Variants in E2F1 observed in about 807,000 individuals in gnomAD.
E2F1 encodes transcription factor E2F1.
A neutral mutation model predicts 36.9 loss-of-function variants in E2F1; 7 were observed. The observed-to-expected ratio is 0.19, with a 90% confidence interval of 0.11 to 0.36. E2F1 has a LOEUF of 0.36. E2F1 is among the 10% of genes least tolerant of loss of function. E2F1 has a pLI of 1.00. For missense variants in E2F1, 406 were observed against 573.6 expected (o/e 0.71, Z 2.99); for synonymous variants, 261 against 263.1 (o/e 0.99, Z 0.08).
intron 1 of E2F1, among the ~76,000 whole-genome samples, chr20:33,684,688 G>A (rs758556699): frequency 2.6e-5 from 4 of 152,160 alleles, no homozygotes; most frequent in Non-Finnish European, 5.9e-5. Flanking sequence ...TCAAAACAAT[G>A]GTGGCTGCTA....
intron 4 of E2F1, 43 bp downstream of exon 4, chr20:33,678,158 T>G (rs759952955): frequency 6.3e-7 from 1 of 1,575,512 alleles, no homozygotes; most frequent in Non-Finnish European, 8.7e-7. Flanking sequence ...AGCCCCTGCC[T>G]GCTAAGCCTG....
chr20:33,678,056 T>C (rs2122543747), intron 4 of E2F1, 145 bp downstream of exon 4: 1 of 870,532 alleles, frequency 1.1e-6, no homozygotes, highest in East Asian at 2.7e-5. Flanking sequence ...ATTTATCCAG[T>C]GTCACAACAG....
At position 33,686,231 on chromosome 20, in the gene E2F1, A is replaced by C; in HGVS notation, c.34T>G (p.Cys12Gly). ...AGCAGGGCCTCCAGCGCCGGCGCGCATGGGCCGCCCGCAGGGGCCCCGGCC... is the reference window on the plus strand; with the variant it reads ...AGCAGGGCCTCCAGCGCCGGCGCGCCTGGGCCGCCCGCAGGGGCCCCGGCC... ...ALAGAPAGGPCAPALEALLGA... is the reference protein window; with the variant it reads ...ALAGAPAGGPGAPALEALLGA... Residue 12 changes from cysteine (C) to glycine (G), a missense_variant, in exon 1 of 7, where the codon TGC becomes GGC. Transcript: ENST00000343380. The C allele has an allele frequency of 9.8e-7, 1 of 1,018,014 alleles. No individual in the cohort carries two copies. Among genetic ancestry groups the C allele is most frequent in the Non-Finnish European group, 1.2e-6 (1 of 853,756 alleles). The allele number at this position is 1,018,014 out of a possible 1,614,324, so 63.1% of individuals were successfully genotyped here. A position where few individuals can be genotyped will look rare whatever the true frequency, so the allele number is the denominator to read the frequency against.
Position 33,677,526 on chromosome 20 carries a change from G to A in E2F1, c.740C>T (p.Thr247Met), listed in dbSNP as rs913895798. 4 of 1,613,804 alleles carry A rather than the reference G, an allele frequency of 2.5e-6. No individual in the cohort carries two copies. The highest frequency in any genetic ancestry group is 2.2e-5 in the South Asian group (2 of 91,070). ...TGCAATGCTACGAAGGTCCTGACAC[G>A]TCACGTAGGCCAGGGTTGGCAGAGT... ...DTDSQRLAYVTCQDLRSIADP... is the reference protein window; with the variant it reads ...DTDSQRLAYVMCQDLRSIADP... The change falls in exon 5 of 7, where the codon ACG becomes ATG. Residue 247 changes from threonine to methionine, a missense_variant. Transcript: ENST00000343380.
chr20:33,677,219 A>T lies in E2F1; in HGVS notation c.952T>A (p.Ser318Thr), dbSNP rs1163087475. The change falls in exon 6 of 7, where the codon TCT becomes ACT. Residue 318 changes from serine to threonine, a missense_variant. Physicochemically the swap from Ser to Thr is moderately conservative, Grantham distance 58 (BLOSUM62 1). Coordinates refer to ENST00000343380, the MANE Select transcript of E2F1 (RefSeq NM_005225.3). Reference protein sequence around the residue: ...PGKTPSQEVTSEEENRATDSA... With the variant: ...PGKTPSQEVTTEEENRATDSA... ...TCAGTGGCCCTGTTCTCCTCCTCAG[A>T]AGTGACCTCCTGGGATGGGGTCTTC... The T allele has an allele frequency of 3.1e-6, 5 of 1,613,978 alleles. No individual in the cohort carries two copies. The African/African-American group carries it at 5.3e-5, about 17-fold the overall frequency.
chr20:33,680,777 T>C (rs1439413537), intron 1 of E2F1, among the ~76,000 whole-genome samples: 1 of 152,240 alleles, frequency 6.6e-6, no homozygotes, highest in Non-Finnish European at 1.5e-5. Context: ...CTTTTGAGAC[T>C]GGGTCAGAGG....
Position 33,679,664 on chromosome 20 carries a change from G to C in E2F1, c.572+91C>G, listed in dbSNP as rs1746690166. ...AGCCCGTTTCCCCAGCTATAAGATG[G>C]GGATGCAGGCAGCCACAGTGGGTAT... On this transcript the variant is annotated intron_variant, in intron 3 of 6. Coordinates refer to ENST00000343380, the MANE Select transcript of E2F1 (RefSeq NM_005225.3). This position sits in a 1 kb window ranked among gnomAD's most constrained non-coding sequence, Gnocchi z 4.6. 1 of 1,194,536 alleles carries C rather than the reference G, an allele frequency of 8.4e-7. No individual in the cohort carries two copies. The highest frequency in any genetic ancestry group is 1.5e-5 in the African/African-American group (1 of 66,746). The allele number at this position is 1,194,536 out of a possible 1,614,324, so 74.0% of individuals were successfully genotyped here.
Position 33,686,279 on chromosome 20 carries a change from G to A in E2F1, c.-15C>T. 1.0e-6 allele frequency: 1 copy of A among 999,676 alleles called. No individual in the cohort carries two copies. The highest frequency in any genetic ancestry group is 1.2e-6 in the Non-Finnish European group (1 of 840,812). 61.9% of individuals were successfully genotyped at this position (999,676 alleles called of 1,614,324 possible). Reference sequence around the variant, plus strand: ...GCCAAGGCCATGACGCTCACGGCCCGCGCGGCCCGGGTGACAGGCGGCGGC... The same window carrying A: ...GCCAAGGCCATGACGCTCACGGCCCACGCGGCCCGGGTGACAGGCGGCGGC... On this transcript the variant is annotated 5_prime_UTR_variant, in exon 1 of 7. Coordinates refer to ENST00000343380, the MANE Select transcript of E2F1 (RefSeq NM_005225.3).
intron 3 of E2F1, among the ~76,000 whole-genome samples, chr20:33,678,870 G>T (rs2017991750): frequency 6.6e-6 from 1 of 152,150 alleles, no homozygotes; most frequent in African/African-American, 2.4e-5. Flanking sequence ...GAGCCCAGGA[G>T]GTTGAGGCTG....
At chr20:33,685,405 C>G (rs2018058142) in intron 1 of E2F1, among the ~76,000 whole-genome samples, 1 of 152,038 alleles carries the variant, frequency 6.6e-6, no homozygotes, top group South Asian at 2.1e-4. Flanking sequence ...CAGTCAGCAT[C>G]GAGGCAGGAA....
At chr20:33,683,816 A>G (rs2018039458) in intron 1 of E2F1, among the ~76,000 whole-genome samples, 1 of 152,238 alleles carries the variant, frequency 6.6e-6, no homozygotes, top group Non-Finnish European at 1.5e-5. Context: ...AGTTTTCTAC[A>G]TTAAACATGT....
At chr20:33,678,392 T>C (rs1464658958) in intron 3 of E2F1, 39 bp from the exon 4 acceptor site, 13 of 1,606,954 alleles carry the variant, frequency 8.1e-6, no homozygotes, top group East Asian at 4.5e-5. Context: ...TTAACAGCGA[T>C]TGGCCCCTCT....
chr20:33,676,621 G>C lies in E2F1; in HGVS notation c.*111C>G. ...AAGCTTCTGGAGACAGAGGAGAGGG[G>C]TATAAATTAAATGTTTCCAAACAGG... is the stretch of plus-strand genomic sequence containing the variant. On this transcript the variant is annotated 3_prime_UTR_variant, in exon 7 of 7. Coordinates refer to ENST00000343380, the MANE Select transcript of E2F1 (RefSeq NM_005225.3). 1 of 1,426,166 alleles carries C rather than the reference G, an allele frequency of 7.0e-7. No individual in the cohort carries two copies. Among genetic ancestry groups the C allele is most frequent in the Non-Finnish European group, 9.3e-7 (1 of 1,072,764 alleles). 88.3% of individuals were successfully genotyped at this position (1,426,166 alleles called of 1,614,324 possible).
chr20:33,685,036 C>G lies in E2F1; in HGVS notation c.261+968G>C, dbSNP rs114293934. On this transcript the variant is annotated intron_variant, in intron 1 of 6. Transcript: ENST00000343380. ...GCTTCTACGCCTCCAATCCCTTCTC[C>G]CACTGGAATTCAGCCGCCTCTTCTG... Among the ~76,000 whole-genome samples, 522 of 152,322 alleles carry G rather than the reference C, an allele frequency of 3.4e-3. 3 individuals carry two copies. Among genetic ancestry groups the G allele is most frequent in the African/African-American group, 0.012 (498 of 41,558 alleles).
Position 33,676,620 on chromosome 20 carries a change from G to C in E2F1, c.*112C>G. 2.1e-6 allele frequency: 3 copies of C among 1,416,162 alleles called. No individual in the cohort carries two copies. Among genetic ancestry groups the C allele is most frequent in the Non-Finnish European group, 2.8e-6 (3 of 1,064,602 alleles). The allele number at this position is 1,416,162 out of a possible 1,614,324, so 87.7% of individuals were successfully genotyped here. On this transcript the variant is annotated 3_prime_UTR_variant, in exon 7 of 7. Transcript: ENST00000343380. ...GAAGCTTCTGGAGACAGAGGAGAGG[G>C]GTATAAATTAAATGTTTCCAAACAG...
Position 33,686,148 on chromosome 20 carries a change from C to A in E2F1, c.117G>T (p.Ala39=). 9.4e-7 allele frequency: 1 copy of A among 1,059,526 alleles called. No homozygotes were observed. The highest frequency in any genetic ancestry group is 1.1e-6 in the Non-Finnish European group (1 of 879,500). 65.6% of individuals were successfully genotyped at this position (1,059,526 alleles called of 1,614,324 possible). A position where few individuals can be genotyped will look rare whatever the true frequency, so the allele number is the denominator to read the frequency against. The change falls in exon 1 of 7, where the codon GCG becomes GCT. Residue 39 remains alanine, a synonymous_variant. Transcript: ENST00000343380. ...DSSQIVIISA[A]QDASAPPAPT... ...GAGCCGGCGGGGCGCTGGCGTCCTG[C>A]GCGGCGGAGATGATGACGATCTGCG...
intron 1 of E2F1, among the ~76,000 whole-genome samples, chr20:33,680,788 C>T (rs533632560): frequency 1.2e-4 from 19 of 152,316 alleles, no homozygotes; most frequent in Admixed American, 9.8e-4. Flanking sequence ...GGGTCAGAGG[C>T]GCTGGAGCTT....
chr20:33,684,315 A>T (rs1331048852), intron 1 of E2F1, among the ~76,000 whole-genome samples: 1 of 152,204 alleles, frequency 6.6e-6, no homozygotes, highest in African/African-American at 2.4e-5. Context: ...GCTGAATGGA[A>T]GATGCTTGCC....
At chr20:33,684,233 G>A (rs933514814) in intron 1 of E2F1, among the ~76,000 whole-genome samples, 4 of 152,204 alleles carry the variant, frequency 2.6e-5, no homozygotes, top group African/African-American at 9.7e-5. Flanking sequence ...ATCCTGTTCA[G>A]ATCTTTGAGG....
Sources: allele counts gnomAD v4.1 joint callset (sites outside exome capture counted in the v4.1 genomes callset), GRCh38; gene constraint gnomAD v4.1.1; non-coding constraint Gnocchi (gnomAD v3.1); transcripts MANE v1.5; gene names NCBI Gene and HGNC (gene_info 2026-07-23, HGNC 2026-07-21).